TBX5: variants seen among roughly 807,000 people sequenced by gnomAD.
TBX5 encodes the protein T-box transcription factor 5.
TBX5 carries 8 observed loss-of-function variants against 51.1 expected under a neutral mutation model. The observed-to-expected ratio is 0.16, with a 90% CI of 0.09 to 0.28. The LOEUF is 0.28. TBX5 is among the 10% of genes least tolerant of loss of function. The pLI, the probability that TBX5 is intolerant of heterozygous loss-of-function variation, is 1.00. For missense variants in TBX5, 589 were observed against 671.7 expected (o/e 0.88, Z 1.36); for synonymous variants, 302 against 266.4 (o/e 1.13, Z -1.30).
At chr12:114,386,312 A>G (rs1216142151) in intron 6 of TBX5, among the ~76,000 whole-genome samples, 2 of 152,202 alleles carry the variant, frequency 1.3e-5, no homozygotes, top group Non-Finnish European at 2.9e-5. Context: ...TTAATCCATC[A>G]ACGCATTATA....
chr12:114,381,256 T>C (rs140213882), intron 7 of TBX5, among the ~76,000 whole-genome samples: 35 of 152,338 alleles, frequency 2.3e-4, no homozygotes, highest in African/African-American at 8.4e-4. Flanking sequence ...CCTCACTCCC[T>C]TCTACCAATT....
rs145992589 is a variant in TBX5, at chr12:114,389,039, C to T, written c.664-3472G>A. 3.5e-3 allele frequency among the ~76,000 whole-genome samples: 531 copies of T among 152,228 alleles called. 3 individuals are homozygous for T. Among genetic ancestry groups the T allele is most frequent in the African/African-American group, 0.012 (506 of 41,546 alleles). On this transcript the variant is annotated intron_variant, in intron 6 of 8. Coordinates refer to ENST00000405440, the MANE Select transcript of TBX5 (RefSeq NM_181486.4). Reference sequence around the variant, plus strand: ...CGCCTCTCAGGTTCAAGTGACTCTCCTGCCTCAGCCTCCCGAGTAGCTGAG... The same window carrying T: ...CGCCTCTCAGGTTCAAGTGACTCTCTTGCCTCAGCCTCCCGAGTAGCTGAG...
chr12:114,393,254 G>A (rs1043805666), intron 6 of TBX5, among the ~76,000 whole-genome samples: 8 of 139,476 alleles, frequency 5.7e-5, no homozygotes, highest in Non-Finnish European at 9.8e-5. Flanking sequence ...CTTGCTGGTG[G>A]GGACTGTAGC....
intron 3 of TBX5, 107 bp from the exon 4 acceptor site, chr12:114,399,739 A>G: frequency 1.3e-6 from 2 of 1,560,838 alleles, no homozygotes; most frequent in Middle Eastern, 2.0e-4. Flanking sequence ...AGAAACGTGG[A>G]AGCGGAAACT....
intron 6 of TBX5, among the ~76,000 whole-genome samples, chr12:114,392,848 C>T (rs960799857): frequency 6.6e-6 from 1 of 152,144 alleles, no homozygotes; most frequent in Admixed American, 6.5e-5. Context: ...TCAGGGCATT[C>T]GACCCTCGGT....
chr12:114,388,051 G>A (rs1870921532), intron 6 of TBX5, among the ~76,000 whole-genome samples: 4 of 152,138 alleles, frequency 2.6e-5, no homozygotes, highest in Admixed American at 2.6e-4. Flanking sequence ...GTTTTGCCAT[G>A]TTGTCCAGGC....
At chr12:114,405,187 T>C (rs1305379696) in intron 1 of TBX5, among the ~76,000 whole-genome samples, 1 of 152,158 alleles carries the variant, frequency 6.6e-6, no homozygotes, top group Non-Finnish European at 1.5e-5. Context: ...GAAGGACAGC[T>C]TCTGAGGCCT....
chr12:114,355,351 T>G lies in TBX5; in HGVS notation c.*181A>C. 1 of 784,732 alleles carries G rather than the reference T, an allele frequency of 1.3e-6. No homozygotes were observed. Among genetic ancestry groups the G allele is most frequent in the Non-Finnish European group, 2.1e-6 (1 of 465,376 alleles). The allele number at this position is 784,732 out of a possible 1,614,324, so 48.6% of individuals were successfully genotyped here. ...AAACAAGAAAGTCACATTTTTAAAATTGTGGTTTCAAGCTACTGATTAGAT... is the reference window on the plus strand; with the variant it reads ...AAACAAGAAAGTCACATTTTTAAAAGTGTGGTTTCAAGCTACTGATTAGAT... On this transcript the variant is annotated 3_prime_UTR_variant, in exon 9 of 9. Coordinates refer to ENST00000405440, the MANE Select transcript of TBX5 (RefSeq NM_181486.4).
At chr12:114,403,722 A>T (rs1387682074) in intron 2 of TBX5, 30 bp downstream of exon 2, 2 of 1,610,254 alleles carry the variant, frequency 1.2e-6, no homozygotes, top group Admixed American at 3.3e-5. Flanking sequence ...TGATCTCTGC[A>T]AAGGGACCCG....
intron 6 of TBX5, 73 bp downstream of exon 6, chr12:114,394,668 G>T (rs1871324390): frequency 6.2e-7 from 1 of 1,604,306 alleles, no homozygotes; most frequent in South Asian, 1.1e-5. Context: ...AGTTCCAGCA[G>T]GAAAACCTTG....
chr12:114,402,842 A>C (rs1033348859), intron 2 of TBX5, among the ~76,000 whole-genome samples: 17 of 152,174 alleles, frequency 1.1e-4, no homozygotes, highest in African/African-American at 3.9e-4. Context: ...TAAGTTTCCT[A>C]AACTGTGTTC....
rs1290011317 is a variant in TBX5, at chr12:114,355,794, G to A, written c.1295C>T (p.Ser432Leu). The A allele has an allele frequency of 1.9e-6, 3 of 1,614,064 alleles. No homozygotes were observed. The highest frequency in any genetic ancestry group is 1.3e-5 in the African/African-American group (1 of 74,952). ...PYQHFSAHFT[S>L]GPLVPRLAGM... The stretch of plus-strand genomic sequence containing the variant: ...AGCCAGCCGAGGGACCAGGGGCCCC[G>A]AGGTGAAGTGAGCGGAGAAGTGCTG... Residue 432 changes from serine (S) to leucine (L), a missense_variant, in exon 9 of 9, where the codon TCG becomes TTG. Ser to Leu is a moderately radical substitution (Grantham distance 145). Transcript: ENST00000405440.
intron 8 of TBX5, among the ~76,000 whole-genome samples, chr12:114,365,839 A>G (rs11067081): frequency 7.7e-6 from 1 of 130,332 alleles, no homozygotes; most frequent in Non-Finnish European, 1.8e-5. Context: ...CAAAAAAAAA[A>G]AAAAAAGAAA....
intron 5 of TBX5, among the ~76,000 whole-genome samples, 182 bp from the exon 6 acceptor site, chr12:114,395,075 A>C (rs1871347028): frequency 6.6e-6 from 1 of 152,154 alleles, no homozygotes; most frequent in Non-Finnish European, 1.5e-5. Context: ...CAAAAATAAC[A>C]ATTTCCAACC....
At chr12:114,392,636 A>T (rs1435169409) in intron 6 of TBX5, among the ~76,000 whole-genome samples, 1 of 152,098 alleles carries the variant, frequency 6.6e-6, no homozygotes, top group African/African-American at 2.4e-5. Flanking sequence ...GAGGGGGAAA[A>T]GATCTCATAT....
At chr12:114,403,656 T>A in intron 2 of TBX5, 96 bp downstream of exon 2, 1 of 1,517,006 alleles carries the variant, frequency 6.6e-7, no homozygotes, top group Non-Finnish European at 8.8e-7. Flanking sequence ...TTTTTTTATT[T>A]TGTTTTTGTT....
At chr12:114,406,925 C>T (rs1872268186), upstream of TBX5, 7 of 429,050 alleles carry the variant, frequency 1.6e-5, no homozygotes, top group Non-Finnish European at 2.2e-5. Context: ...TCTGAGCAGA[C>T]CCAGATTGGG....
chr12:114,357,956 T>A (rs1869012963), intron 8 of TBX5, among the ~76,000 whole-genome samples: 1 of 152,228 alleles, frequency 6.6e-6, no homozygotes, highest in South Asian at 2.1e-4. Context: ...AGAGCTATTA[T>A]TTATTGAGTA....
chr12:114,375,071 G>A (rs1181533897), intron 7 of TBX5, among the ~76,000 whole-genome samples: 1 of 152,162 alleles, frequency 6.6e-6, no homozygotes, highest in East Asian at 1.9e-4. Context: ...GAACACTGAG[G>A]GGAGGACTAC....
Sources: allele counts gnomAD v4.1 joint callset (sites outside exome capture counted in the v4.1 genomes callset), GRCh38; gene constraint gnomAD v4.1.1; transcripts MANE v1.5; gene names NCBI Gene and HGNC (gene_info 2026-07-23, HGNC 2026-07-21).